The following COL4A6 variants were observed in gnomAD, a reference collection of about 807,000 sequenced individuals.
COL4A6 encodes the protein collagen alpha-6(IV) chain.
Under a neutral mutation model 126.7 loss-of-function variants are expected in COL4A6, and 59 were observed. The observed-to-expected ratio is 0.47, with a 90% CI of 0.38 to 0.58. COL4A6 has a LOEUF of 0.58. Ranked by LOEUF, COL4A6 falls within the 20% of genes least tolerant of loss-of-function variation. COL4A6 has a pLI of 0.00. For missense variants in COL4A6, 1,285 were observed against 1,337.3 expected, an observed-to-expected ratio of 0.96 and a Z score of 0.61; for synonymous variants, 547 against 496.6, an observed-to-expected ratio of 1.10 and a Z score of -1.35.
At chrX:108,420,256 G>A (rs948617191) in intron 2 of COL4A6, among the ~76,000 whole-genome samples, 2 of 111,770 alleles carry the variant, frequency 1.8e-5, no homozygotes, top group African/African-American at 6.5e-5. Context: ...AATTGGTGAT[G>A]CAGTGTGAGA....
In COL4A6 at chrX:108,192,473, C is replaced by G; in HGVS notation, c.1180G>C (p.Gly394Arg). The G allele has an allele frequency of 8.4e-7, 1 of 1,197,000 alleles. No individual in the cohort carries two copies. The highest frequency in any genetic ancestry group is 1.1e-6 in the Non-Finnish European group (1 of 883,833). The change falls in exon 18 of 45, where the codon GGT becomes CGT. Residue 394 changes from glycine (G) to arginine (R), a missense_variant and splice_region_variant. Physicochemically the swap from Gly to Arg is moderately radical, Grantham distance 125. Transcript: ENST00000334504. ...SGVPGLPALS[G>R]VPGALGPQGF... ...TAGGAAATGGGTTAGTTTTTTTCAC[C>G]TGATAATGCTGGCAATCCAGGGACA...
chrX:108,329,741 AT>A (rs1164436082), intron 2 of COL4A6, among the ~76,000 whole-genome samples: 1 of 111,215 alleles, frequency 9.0e-6, no homozygotes, highest in Non-Finnish European at 1.9e-5. Flanking sequence ...GTACTATTCT[AT>A]TTTTTTATGT....
chrX:108,167,151 T>C (rs1436720339), intron 37 of COL4A6, among the ~76,000 whole-genome samples: 2 of 112,280 alleles, frequency 1.8e-5, no homozygotes, highest in African/African-American at 6.5e-5. Context: ...TAAAACACTT[T>C]AAATGAGCAG....
Position 108,202,941 on chromosome X carries a change from G to A in COL4A6, c.821C>T (p.Pro274Leu), listed in dbSNP as rs760279913. The change falls in exon 13 of 45, where the codon CCT becomes CTT. Residue 274 changes from proline to leucine, a missense_variant. Pro to Leu is a moderately conservative substitution (Grantham distance 98, BLOSUM62 -3). Transcript: ENST00000334504. ...GPKGFPGISG[P>L]PGFPGLGTTG... ...AGAGAGACTTACCGGGAAGCCTGGA[G>A]GGCCACTTATGCCTGGAAAACCCTT... is the stretch of plus-strand genomic sequence containing the variant. The A allele has an allele frequency of 5.8e-6, 7 of 1,208,323 alleles. No homozygotes were observed. The African/African-American group carries it at 8.8e-5, about 15-fold the overall frequency.
At chrX:108,196,688 G>A (rs2035229902) in intron 13 of COL4A6, 109 bp from the exon 14 acceptor site, 1 of 591,140 alleles carries the variant, frequency 1.7e-6, no homozygotes, top group African/African-American at 2.2e-5. Flanking sequence ...TCCCCTTAGG[G>A]AGGCTCACCA....
intron 13 of COL4A6, among the ~76,000 whole-genome samples, chrX:108,201,846 C>T (rs1253817081): frequency 9.0e-6 from 1 of 111,379 alleles, no homozygotes; most frequent in African/African-American, 3.3e-5. Context: ...CCCTTCCTCC[C>T]ACAGCCAGAG....
At position 108,169,069 on chromosome X, in the gene COL4A6, T is replaced by G. The variant is rs148035660; in HGVS notation, c.3691+426A>C. Among the ~76,000 whole-genome samples, 195 of 111,069 alleles carry G rather than the reference T, an allele frequency of 1.8e-3. 1 individual carries two copies. The highest frequency in any genetic ancestry group is 6.1e-3 in the African/African-American group (186 of 30,529). ...CTGTCCGGTGGAGACTTGTATCATCTTAGTCTTGGGATCCTTCCCGCAGCC... is the reference window on the plus strand; with the variant it reads ...CTGTCCGGTGGAGACTTGTATCATCGTAGTCTTGGGATCCTTCCCGCAGCC... On this transcript the variant is annotated intron_variant, in intron 37 of 44. Coordinates refer to ENST00000334504, the MANE Select transcript of COL4A6 (RefSeq NM_033641.4).
chrX:108,207,825 G>A (rs771181523), intron 8 of COL4A6, among the ~76,000 whole-genome samples: 2 of 110,877 alleles, frequency 1.8e-5, no homozygotes, highest in African/African-American at 6.6e-5. Context: ...CATTTTATAC[G>A]AGGGATTTGT....
intron 3 of COL4A6, among the ~76,000 whole-genome samples, chrX:108,224,097 T>C (rs2036095811): frequency 8.9e-6 from 1 of 112,055 alleles, no homozygotes; most frequent in African/African-American, 3.2e-5. Flanking sequence ...TGGCACCCTC[T>C]ACCTCTGGTC....
chrX:108,410,469 G>A (rs1349775427), intron 2 of COL4A6, among the ~76,000 whole-genome samples: 3 of 110,808 alleles, frequency 2.7e-5, no homozygotes, highest in African/African-American at 9.8e-5. Context: ...TGTTTTCCAG[G>A]TTAGATTGAT....
intron 2 of COL4A6, among the ~76,000 whole-genome samples, chrX:108,343,170 G>A (rs866269363): frequency 2.8e-3 from 148 of 53,267 alleles, no homozygotes; most frequent in East Asian, 6.3e-3. Context: ...TATATAGTGT[G>A]TGTGTGTGTG....
At chrX:108,373,608 T>C (rs2040373331) in intron 2 of COL4A6, among the ~76,000 whole-genome samples, 1 of 111,290 alleles carries the variant, frequency 9.0e-6, no homozygotes, top group African/African-American at 3.3e-5. Flanking sequence ...CCCCCATCCC[T>C]GATTATGTCT....
rs763720843 is a variant in COL4A6 at position 108,194,224 on chromosome X, C to G, written c.1002+310G>C. 5.4e-5 allele frequency among the ~76,000 whole-genome samples: 6 copies of G among 111,988 alleles called. No homozygotes were observed. In the East Asian group the frequency reaches 1.1e-3, roughly 21 times the overall value. On this transcript the variant is annotated intron_variant, in intron 16 of 44. Coordinates refer to ENST00000334504, the MANE Select transcript of COL4A6 (RefSeq NM_033641.4). ...TGTAGGCAAAAAGGGGATGCATTGT[C>G]TGTAGAGAATTTAAAACAATAGTGA...
chrX:108,184,912 T>C (rs1230776098), intron 23 of COL4A6, among the ~76,000 whole-genome samples: 1 of 112,240 alleles, frequency 8.9e-6, no homozygotes, highest in Non-Finnish European at 1.9e-5. Context: ...GTGTGTAAGT[T>C]TATAGGTGTC....
Position 108,281,997 on chromosome X carries a change from G to A in COL4A6, c.144+28751C>T, listed in dbSNP as rs1361960833. Among the ~76,000 whole-genome samples, 8 of 110,338 alleles carry A rather than the reference G, an allele frequency of 7.3e-5. No individual in the cohort carries two copies. The South Asian group carries it at 2.0e-3, about 27-fold the overall frequency. ...TTACACCTTATACAAAAATTAATTC[G>A]AGATGGATTAAAGACTGAAACGTTA... is the stretch of plus-strand genomic sequence containing the variant. On this transcript the variant is annotated intron_variant, in intron 3 of 44. Coordinates refer to ENST00000334504, the MANE Select transcript of COL4A6 (RefSeq NM_033641.4).
At chrX:108,178,659 G>A (rs2034575857) in intron 27 of COL4A6, 25 bp downstream of exon 27, 1 of 1,204,164 alleles carries the variant, frequency 8.3e-7, no homozygotes, top group South Asian at 1.8e-5. Flanking sequence ...CTGTCAAGGT[G>A]GGACTCTTCC....
intron 3 of COL4A6, among the ~76,000 whole-genome samples, chrX:108,223,571 G>A (rs2036081585): frequency 9.0e-6 from 1 of 111,073 alleles, no homozygotes; most frequent in Admixed American, 9.5e-5. Flanking sequence ...CACTGGAAAG[G>A]TTGATTGGAA....
chrX:108,435,582 T>C (rs1451782612), intron 2 of COL4A6, among the ~76,000 whole-genome samples: 2 of 112,140 alleles, frequency 1.8e-5, no homozygotes, highest in African/African-American at 3.2e-5. Flanking sequence ...TAGATTCTAT[T>C]TTATGCAGAT....
intron 3 of COL4A6, among the ~76,000 whole-genome samples, chrX:108,302,053 A>C (rs1199825140): frequency 1.8e-5 from 2 of 111,520 alleles, no homozygotes; most frequent in Non-Finnish European, 3.8e-5. Flanking sequence ...GTGGTCTCCA[A>C]ATCCTTTTGA....
Sources: allele counts gnomAD v4.1 joint callset (sites outside exome capture counted in the v4.1 genomes callset), GRCh38; gene constraint gnomAD v4.1.1; transcripts MANE v1.5; gene names NCBI Gene and HGNC (gene_info 2026-07-23, HGNC 2026-07-21).